The following ZBBX variants were observed in gnomAD, a reference collection of about 807,000 sequenced individuals.
ZBBX encodes zinc finger B-box domain containing, also known as zinc finger B-box domain-containing protein 1.
In ZBBX, 101 loss-of-function variants were observed where a neutral mutation model predicts 108.5. That is an observed-to-expected ratio of 0.93 (90% CI 0.79 to 1.10). The LOEUF (loss-of-function observed/expected upper bound fraction) is 1.10. Among genes scored for constraint, ZBBX ranks in the 50% least tolerant of loss-of-function variants. The pLI is 0.00. For missense variants in ZBBX, 1,009 were observed against 941.4 expected (o/e 1.07, Z -0.94); for synonymous variants, 356 against 323.4 (o/e 1.10, Z -1.08).
At chr3:167,286,674 A>T (rs1729765872) in intron 19 of ZBBX, among the ~76,000 whole-genome samples, 1 of 152,096 alleles carries the variant, frequency 6.6e-6, no homozygotes, top group Non-Finnish European at 1.5e-5. Flanking sequence ...AATAAATAGG[A>T]TACACTGAGT....
At chr3:167,391,238 G>A (rs1210358864) in intron 1 of ZBBX, among the ~76,000 whole-genome samples, 14 of 151,930 alleles carry the variant, frequency 9.2e-5, no homozygotes, top group Admixed American at 2.6e-4. Flanking sequence ...GTCTATTGAC[G>A]TAATCATGTC....
At position 167,282,105 on chromosome 3, in the gene ZBBX, C is replaced by T. The variant is rs367823967; in HGVS notation, c.2254+133G>A. 1.6e-3 allele frequency: 1,528 copies of T among 969,628 alleles called. 6 individuals are homozygous for T. The highest frequency in any genetic ancestry group is 0.011 in the South Asian group (526 of 49,780). The allele number at this position is 969,628 out of a possible 1,614,324, so 60.1% of individuals were successfully genotyped here. On this transcript the variant is annotated intron_variant, in intron 20 of 21. Coordinates refer to ENST00000675490, the MANE Select transcript of ZBBX (RefSeq NM_001199201.2). ...GGGATTTCCAGGAAAACAGACACAA[C>T]GGTTGATGGTTAAAGAAGAAAAAGG...
intron 9 of ZBBX, among the ~76,000 whole-genome samples, chr3:167,341,922 T>A (rs1464048958): frequency 1.3e-5 from 2 of 151,868 alleles, no homozygotes; most frequent in Non-Finnish European, 2.9e-5. Flanking sequence ...AATTAGATAA[T>A]TCGTATCCCA....
In ZBBX at chr3:167,313,992, A is replaced by C; in HGVS notation, c.1399T>G (p.Tyr467Asp). 6.3e-7 allele frequency: 1 copy of C among 1,591,324 alleles called. No homozygotes were observed. Among genetic ancestry groups the C allele is most frequent in the Non-Finnish European group, 8.5e-7 (1 of 1,170,614 alleles). The change falls in exon 16 of 22, where the codon TAT (tyrosine) becomes GAT (aspartate). Residue 467 changes from tyrosine (Y) to aspartate (D), a missense_variant. Physicochemically the swap from Tyr to Asp is radical, Grantham distance 160. Coordinates refer to ENST00000675490, the MANE Select transcript of ZBBX (RefSeq NM_001199201.2). ...ATGTTACCTTTTGAATTATCTTTAT[A>C]ATAAGTAGAGCTGTTTCTCAGACAA... is the stretch of plus-strand genomic sequence containing the variant. Reference protein sequence around the residue: ...NLCLRNSSTYYKDNSKAETSN... With the variant: ...NLCLRNSSTYDKDNSKAETSN...
chr3:167,304,877 C>T (rs946233923), intron 17 of ZBBX, among the ~76,000 whole-genome samples: 1 of 149,216 alleles, frequency 6.7e-6, no homozygotes, highest in Non-Finnish European at 1.5e-5. Context: ...ATATCTGCCA[C>T]AAAGTGGGCA....
chr3:167,255,657 A>G (rs1263730661), intron 20 of ZBBX, among the ~76,000 whole-genome samples: 2 of 152,096 alleles, frequency 1.3e-5, no homozygotes, highest in South Asian at 4.1e-4. Flanking sequence ...CAATTTTTAA[A>G]TTTATTTTTA....
chr3:167,206,000 G>A, the ZBBX span, among the ~76,000 whole-genome samples: 1 of 151,978 alleles, frequency 6.6e-6, no homozygotes, highest in Non-Finnish European at 1.5e-5. Flanking sequence ...TGTTTGTTAA[G>A]AACACCTAAA....
chr3:167,192,262 C>T, the ZBBX span, among the ~76,000 whole-genome samples: 1 of 152,028 alleles, frequency 6.6e-6, no homozygotes, highest in African/African-American at 2.4e-5. Flanking sequence ...TTGTTATTTA[C>T]TTCTTTCAGA....
intron 14 of ZBBX, 106 bp from the exon 15 acceptor site, chr3:167,315,935 A>T (rs1196602666): frequency 1.6e-6 from 1 of 626,982 alleles, no homozygotes; most frequent in Non-Finnish European, 2.7e-6. Flanking sequence ...CCTACAAATG[A>T]TGTTATGAGA....
At chr3:167,382,905 C>T (rs1303260683), upstream of ZBBX, among the ~76,000 whole-genome samples, 1 of 151,934 alleles carries the variant, frequency 6.6e-6, no homozygotes, top group Non-Finnish European at 1.5e-5. Context: ...GGTTTTATTG[C>T]ACTATACAAC....
At chr3:167,219,697 TGAA>T in the ZBBX span, among the ~76,000 whole-genome samples, 1 of 151,654 alleles carries the variant, frequency 6.6e-6, no homozygotes, top group Non-Finnish European at 1.5e-5. Flanking sequence ...TGATGCAACT[TGAA>T]GAACTAGAAA....
chr3:167,277,174 A>G lies in ZBBX; in HGVS notation c.2254+5064T>C, dbSNP rs181556890. On this transcript the variant is annotated intron_variant, in intron 20 of 21. Transcript: ENST00000675490. ...TGTAAAGACCATCGAGACTAGGAAG[A>G]AACTGCATCAACTAACGAGCAAAAT... Among the ~76,000 whole-genome samples, 945 of 152,266 alleles carry G rather than the reference A, an allele frequency of 6.2e-3. 7 individuals are homozygous for G. The highest frequency in any genetic ancestry group is 0.02 in the African/African-American group (844 of 41,542).
intron 8 of ZBBX, among the ~76,000 whole-genome samples, chr3:167,358,264 G>A (rs1332350897): frequency 4.0e-5 from 6 of 151,612 alleles, no homozygotes; most frequent in African/African-American, 1.5e-4. Flanking sequence ...TATGCTAAGC[G>A]AAATAAGCCA....
intron 20 of ZBBX, among the ~76,000 whole-genome samples, chr3:167,262,228 C>A (rs971337372): frequency 6.6e-6 from 1 of 152,056 alleles, no homozygotes; most frequent in Admixed American, 6.6e-5. Flanking sequence ...CTCCCAGGTC[C>A]TGCAGGAGCA....
intron 19 of ZBBX, among the ~76,000 whole-genome samples, chr3:167,283,063 TA>T (rs1729086055): frequency 6.6e-6 from 1 of 152,228 alleles, no homozygotes; most frequent in Admixed American, 6.5e-5. Flanking sequence ...ATCACGTCTC[TA>T]ATTTTCCTAC....
At chr3:167,296,990 G>A (rs1368553079) in intron 18 of ZBBX, among the ~76,000 whole-genome samples, 1 of 151,974 alleles carries the variant, frequency 6.6e-6, no homozygotes, top group African/African-American at 2.4e-5. Context: ...CAAAGATACT[G>A]TAATCAAAAC....
chr3:167,351,671 G>A (rs1407850364), intron 8 of ZBBX, among the ~76,000 whole-genome samples: 1 of 152,164 alleles, frequency 6.6e-6, no homozygotes, highest in Non-Finnish European at 1.5e-5. Context: ...GAATTCATGT[G>A]AAGTCCCATA....
At chr3:167,266,933 A>G (rs1576820844) in intron 20 of ZBBX, among the ~76,000 whole-genome samples, 1 of 152,218 alleles carries the variant, frequency 6.6e-6, no homozygotes, top group East Asian at 1.9e-4. Flanking sequence ...AGACCCACCC[A>G]GTGTGATGAA....
chr3:167,358,162 TATA>T (rs960757153), intron 8 of ZBBX, among the ~76,000 whole-genome samples: 2 of 151,230 alleles, frequency 1.3e-5, no homozygotes, highest in African/African-American at 4.9e-5. Context: ...AAACTTAAAG[TATA>T]ATAATAATAA....
Sources: allele counts gnomAD v4.1 joint callset (sites outside exome capture counted in the v4.1 genomes callset), GRCh38; gene constraint gnomAD v4.1.1; transcripts MANE v1.5; gene names NCBI Gene and HGNC (gene_info 2026-07-23, HGNC 2026-07-21).